Variants in CHST11 observed in about 807,000 individuals in gnomAD.
CHST11 encodes carbohydrate sulfotransferase 11.
In CHST11, 9 loss-of-function variants were observed where a neutral mutation model predicts 30.4. The observed-to-expected ratio is 0.30, with a 90% CI of 0.18 to 0.52. The LOEUF is 0.52. CHST11 is among the 20% of genes least tolerant of loss of function. CHST11 has a pLI of 0.97. For missense variants in CHST11, 348 were observed against 460.6 expected (o/e 0.76, Z 2.24); for synonymous variants, 152 against 187.8 (o/e 0.81, Z 1.56).
In CHST11 at chr12:104,560,682, A is replaced by G. The variant is rs376429115; in HGVS notation, c.119-41224A>G. Among the ~76,000 whole-genome samples, 6 of 152,192 alleles carry G rather than the reference A, an allele frequency of 3.9e-5. No individual in the cohort carries two copies. The South Asian group carries it at 1.2e-3, about 32-fold the overall frequency. On this transcript the variant is annotated intron_variant, in intron 1 of 2. Transcript: ENST00000303694. ...GTCTTGGATTTGTCATTTAACCTCT[A>G]CAAGCTTAGTTTCTGCAGGTGATGT...
chr12:104,698,748 A>T (rs908381040), intron 2 of CHST11, among the ~76,000 whole-genome samples: 1 of 152,244 alleles, frequency 6.6e-6, no homozygotes, highest in Non-Finnish European at 1.5e-5. Flanking sequence ...AATCTTGAGA[A>T]GATAAATTAG....
intron 2 of CHST11, among the ~76,000 whole-genome samples, chr12:104,698,595 A>G (rs561514886): frequency 3.9e-5 from 6 of 152,292 alleles, no homozygotes; most frequent in East Asian, 1.9e-4. Flanking sequence ...GCATTCAATT[A>G]AAGCATATTG....
intron 2 of CHST11, among the ~76,000 whole-genome samples, chr12:104,626,138 A>G (rs571156587): frequency 6.6e-5 from 10 of 152,350 alleles, no homozygotes; most frequent in Admixed American, 1.3e-4. Context: ...TGAAAGACAC[A>G]GGCTCTTTAT....
At chr12:104,703,605 C>T (rs1194652864) in intron 2 of CHST11, among the ~76,000 whole-genome samples, 1 of 152,180 alleles carries the variant, frequency 6.6e-6, no homozygotes, top group East Asian at 1.9e-4. Flanking sequence ...TGGTCTACAG[C>T]GTAAGTCGGA....
intron 2 of CHST11, among the ~76,000 whole-genome samples, chr12:104,733,489 G>C (rs975325006): frequency 6.6e-6 from 1 of 152,174 alleles, no homozygotes; most frequent in Non-Finnish European, 1.5e-5. Context: ...CTTGAACCAG[G>C]ATCAGTTGTT....
At chr12:104,460,674 A>G (rs981971817) in intron 1 of CHST11, among the ~76,000 whole-genome samples, 1 of 152,022 alleles carries the variant, frequency 6.6e-6, no homozygotes, top group Non-Finnish European at 1.5e-5. Flanking sequence ...AAAAAAAAAA[A>G]AAAAAAAGAG....
At chr12:104,524,603 C>G (rs73185409) in intron 1 of CHST11, among the ~76,000 whole-genome samples, 22,780 of 152,064 alleles carry the variant, frequency 0.15, 2,126 homozygotes, top group Admixed American at 0.21. Context: ...CTCACCTACT[C>G]TTCTACCCAT....
chr12:104,696,012 G>A (rs1028510403), intron 2 of CHST11, among the ~76,000 whole-genome samples: 3 of 152,290 alleles, frequency 2.0e-5, no homozygotes, highest in Non-Finnish European at 4.4e-5. Context: ...GGAAGCACAG[G>A]AAATGTGTTT....
chr12:104,573,333 T>C (rs2038648377), intron 1 of CHST11, among the ~76,000 whole-genome samples: 1 of 152,142 alleles, frequency 6.6e-6, no homozygotes, highest in Non-Finnish European at 1.5e-5. Flanking sequence ...TACCAATGAC[T>C]TTCTTCACAG....
chr12:104,659,381 C>T (rs542855710), intron 2 of CHST11, among the ~76,000 whole-genome samples: 4 of 152,070 alleles, frequency 2.6e-5, no homozygotes, highest in Admixed American at 1.3e-4. Flanking sequence ...ATTACTTCTC[C>T]GTATCTCTAA....
At chr12:104,570,935 C>T (rs752717958) in intron 1 of CHST11, among the ~76,000 whole-genome samples, 41 of 152,162 alleles carry the variant, frequency 2.7e-4, no homozygotes, top group Non-Finnish European at 5.1e-4. Context: ...TGGTGATCCA[C>T]CCACCTTGGC....
At chr12:104,668,665 C>G (rs777987949) in intron 2 of CHST11, among the ~76,000 whole-genome samples, 6 of 152,178 alleles carry the variant, frequency 3.9e-5, no homozygotes, top group Non-Finnish European at 5.9e-5. Flanking sequence ...ATTATCCCCC[C>G]GGGTGGATAG....
intron 2 of CHST11, among the ~76,000 whole-genome samples, chr12:104,705,990 G>T (rs1251780974): frequency 1.3e-5 from 2 of 152,190 alleles, no homozygotes; most frequent in Non-Finnish European, 2.9e-5. Flanking sequence ...GGAGGCTGAG[G>T]CAGGAGGATT....
intron 1 of CHST11, among the ~76,000 whole-genome samples, chr12:104,599,989 A>G (rs2038943655): frequency 6.6e-6 from 1 of 152,244 alleles, no homozygotes; most frequent in Non-Finnish European, 1.5e-5. Context: ...GGAGGATTTC[A>G]CACCACAGTG....
At chr12:104,638,110 C>T (rs1393695901) in intron 2 of CHST11, among the ~76,000 whole-genome samples, 4 of 151,864 alleles carry the variant, frequency 2.6e-5, no homozygotes, top group Admixed American at 6.6e-5. Flanking sequence ...ATGGGTCTTC[C>T]GGGTCATAAC....
chr12:104,666,055 T>C (rs1303071981), intron 2 of CHST11, among the ~76,000 whole-genome samples: 1 of 152,006 alleles, frequency 6.6e-6, no homozygotes, highest in Non-Finnish European at 1.5e-5. Flanking sequence ...CCCGACCTCA[T>C]GATTCGCCCG....
intron 2 of CHST11, among the ~76,000 whole-genome samples, chr12:104,710,318 G>A (rs1042401585): frequency 2.6e-5 from 4 of 152,212 alleles, no homozygotes; most frequent in Non-Finnish European, 5.9e-5. Flanking sequence ...TTCTTGCACC[G>A]CTGGCGTGGT....
At chr12:104,579,954 C>T (rs2038723722) in intron 1 of CHST11, among the ~76,000 whole-genome samples, 1 of 152,206 alleles carries the variant, frequency 6.6e-6, no homozygotes, top group Admixed American at 6.5e-5. Context: ...CTTTGGTCAT[C>T]AAGGAGCACA....
intron 2 of CHST11, among the ~76,000 whole-genome samples, chr12:104,657,754 C>T (rs1474741481): frequency 6.6e-6 from 1 of 152,186 alleles, no homozygotes; most frequent in African/African-American, 2.4e-5. Flanking sequence ...TCCACCTTCA[C>T]GCTCTGGACT....
Sources: allele counts gnomAD v4.1 joint callset (sites outside exome capture counted in the v4.1 genomes callset), GRCh38; gene constraint gnomAD v4.1.1; transcripts MANE v1.5; gene names NCBI Gene and HGNC (gene_info 2026-07-23, HGNC 2026-07-21).